TM9SF3: variants seen among roughly 807,000 people sequenced by gnomAD.
TM9SF3 encodes the protein SM-11044-binding protein.
Under a neutral mutation model 78.6 loss-of-function variants are expected in TM9SF3, and 14 were observed. The observed-to-expected ratio is 0.18, with a 90% CI of 0.12 to 0.28. The LOEUF (loss-of-function observed/expected upper bound fraction) is 0.28, where lower values mean the gene tolerates loss of function less well. Ranked by LOEUF, TM9SF3 falls within the 10% of genes least tolerant of loss-of-function variation. The pLI is 1.00. For synonymous variants in TM9SF3, 231 were observed against 241.7 expected (o/e 0.96, Z 0.41); for missense variants, 496 against 721.9 (o/e 0.69, Z 3.59).
At chr10:96,525,985 A>G (rs1452708758) in intron 14 of TM9SF3, among the ~76,000 whole-genome samples, 1 of 152,126 alleles carries the variant, frequency 6.6e-6, no homozygotes, top group Admixed American at 6.6e-5. Context: ...CCAGAGCAGA[A>G]GGAAGCCCAA....
At chr10:96,534,262 G>GT (rs1847929792) in intron 9 of TM9SF3, among the ~76,000 whole-genome samples, 1 of 152,138 alleles carries the variant, frequency 6.6e-6, no homozygotes, top group South Asian at 2.1e-4. Flanking sequence ...ATATAAATAT[G>GT]TGAGAATTAC....
At chr10:96,582,792 C>A (rs1249126130) in intron 1 of TM9SF3, among the ~76,000 whole-genome samples, 1 of 151,994 alleles carries the variant, frequency 6.6e-6, no homozygotes, top group African/African-American at 2.4e-5. Context: ...TACATATATA[C>A]CATAGGGTCA....
chr10:96,566,622 T>C (rs1325041214), intron 2 of TM9SF3, among the ~76,000 whole-genome samples: 2 of 152,190 alleles, frequency 1.3e-5, no homozygotes, highest in Non-Finnish European at 2.9e-5. Flanking sequence ...GACTCCCACA[T>C]AGATTTTCTT....
intron 10 of TM9SF3, 48 bp from the exon 11 acceptor site, chr10:96,530,656 T>C (rs750547992): frequency 6.7e-7 from 1 of 1,500,798 alleles, no homozygotes; most frequent in Middle Eastern, 1.8e-4. Context: ...GATTTCCATG[T>C]TATATAAACA....
At chr10:96,558,411 G>T (rs1848260425) in intron 5 of TM9SF3, among the ~76,000 whole-genome samples, 1 of 152,010 alleles carries the variant, frequency 6.6e-6, no homozygotes, top group African/African-American at 2.4e-5. Flanking sequence ...GGAGGCTAAG[G>T]GCAGGTGGAT....
intron 7 of TM9SF3, among the ~76,000 whole-genome samples, chr10:96,548,959 T>C (rs1848134157): frequency 6.6e-6 from 1 of 152,170 alleles, no homozygotes; most frequent in Non-Finnish European, 1.5e-5. Context: ...TTGAAAAATC[T>C]GCTGAGGGAG....
rs369018238 is a variant in TM9SF3 at position 96,530,510 on chromosome 10, T to G, written c.1394+30A>C. The G allele has an allele frequency of 1.5e-4, 232 of 1,573,266 alleles. 2 individuals are homozygous for G. The Middle Eastern group carries it at 6.9e-3, about 47-fold the overall frequency. On this transcript the variant is annotated intron_variant, in intron 11 of 14. Coordinates refer to ENST00000371142, the MANE Select transcript of TM9SF3 (RefSeq NM_020123.4). ...AATTGTCTTACTATAATCAAATCCC[T>G]CAAAACATAAATACATTATCAAAAC...
chr10:96,555,028 T>G (rs1223066437), intron 5 of TM9SF3, among the ~76,000 whole-genome samples: 1 of 147,574 alleles, frequency 6.8e-6, no homozygotes, highest in Admixed American at 6.8e-5. Context: ...TGGTTGGCCT[T>G]TTTTTTTTTT....
intron 9 of TM9SF3, among the ~76,000 whole-genome samples, chr10:96,537,601 G>A (rs1802077674): frequency 6.6e-6 from 1 of 152,234 alleles, no homozygotes; most frequent in Admixed American, 6.5e-5. Flanking sequence ...GGGAGGCCAA[G>A]GCAGGCGGAT....
chr10:96,557,399 C>T (rs745374485), intron 5 of TM9SF3, among the ~76,000 whole-genome samples: 7 of 152,116 alleles, frequency 4.6e-5, no homozygotes, highest in African/African-American at 7.2e-5. Context: ...CACGAAATGC[C>T]GCCAGCTTTA....
intron 5 of TM9SF3, among the ~76,000 whole-genome samples, chr10:96,557,668 G>A (rs1848252215): frequency 6.6e-6 from 1 of 152,120 alleles, no homozygotes; most frequent in Admixed American, 6.5e-5. Context: ...ACCACAGTAA[G>A]CATATCCTCA....
At chr10:96,525,435 A>C (rs1242216992) in intron 14 of TM9SF3, among the ~76,000 whole-genome samples, 1 of 152,046 alleles carries the variant, frequency 6.6e-6, no homozygotes, top group Non-Finnish European at 1.5e-5. Flanking sequence ...CTTTACGGAC[A>C]ATCTCATTTG....
chr10:96,531,729 C>T (rs1014268978), intron 10 of TM9SF3, among the ~76,000 whole-genome samples: 1 of 152,020 alleles, frequency 6.6e-6, no homozygotes, highest in Non-Finnish European at 1.5e-5. Flanking sequence ...CACACACAAG[C>T]CTTCCTATAC....
chr10:96,525,842 A>G (rs11188815), intron 14 of TM9SF3, among the ~76,000 whole-genome samples: 32,315 of 151,634 alleles, frequency 0.21, 3,876 homozygotes, highest in Admixed American at 0.31. Flanking sequence ...CACTGAGCCC[A>G]AAAAAAAGTG....
Position 96,559,738 on chromosome 10 carries a change from TAAA to T in TM9SF3, c.583-5_583-3del, listed in dbSNP as rs745424345. On this transcript the variant is annotated splice_polypyrimidine_tract_variant and splice_region_variant and intron_variant, in intron 4 of 14. Transcript: ENST00000371142. Reference sequence around the variant, plus strand: ...CACATCTGACTTTTTCCATTTTACCTAAAAAAAATTTTTTCATTTGAAAATAAA... The same window carrying T: ...CACATCTGACTTTTTCCATTTTACCTAAAAATTTTTTCATTTGAAAATAAA... 2 of 1,542,332 alleles carry T rather than the reference TAAA, an allele frequency of 1.3e-6. No individual in the cohort carries two copies. The highest frequency in any genetic ancestry group is 1.8e-6 in the Non-Finnish European group (2 of 1,136,224).
chr10:96,546,374 A>C (rs973833892), intron 8 of TM9SF3, among the ~76,000 whole-genome samples: 2 of 152,232 alleles, frequency 1.3e-5, no homozygotes, highest in African/African-American at 4.8e-5. Context: ...GTAGTAAAGG[A>C]AAGTTGGGCT....
chr10:96,522,527 G>A (rs977387143), intron 14 of TM9SF3, among the ~76,000 whole-genome samples, 197 bp from the exon 15 acceptor site: 1 of 151,768 alleles, frequency 6.6e-6, no homozygotes, highest in African/African-American at 2.4e-5. Context: ...CACTGAGTCT[G>A]ACCATCATAC....
At chr10:96,574,616 A>G (rs1173525311) in intron 2 of TM9SF3, among the ~76,000 whole-genome samples, 3 of 152,232 alleles carry the variant, frequency 2.0e-5, no homozygotes, top group Non-Finnish European at 4.4e-5. Flanking sequence ...ATAAAGATAC[A>G]TACACATGTA....
chr10:96,586,803 C>T lies in TM9SF3; in HGVS notation c.33G>A (p.Ala11=). ...GCAGCAGCCACAGCGCGGCGGCCGCCGCCACGCCAAGAGCGCCAGGCAGCG... is the reference window on the plus strand; with the variant it reads ...GCAGCAGCCACAGCGCGGCGGCCGCTGCCACGCCAAGAGCGCCAGGCAGCG... MRPLPGALGV[A]AAAALWLLLL... Residue 11 remains alanine, a synonymous_variant, in exon 1 of 15, where the codon GCG becomes GCA. Transcript: ENST00000371142. 3 of 1,276,782 alleles carry T rather than the reference C, an allele frequency of 2.3e-6. No homozygotes were observed. Among genetic ancestry groups the T allele is most frequent in the South Asian group, 5.2e-5 (2 of 38,604 alleles). The allele number at this position is 1,276,782 out of a possible 1,614,324, so 79.1% of individuals were successfully genotyped here. A position where few individuals can be genotyped will look rare whatever the true frequency, so the allele number is the denominator to read the frequency against.
Sources: allele counts gnomAD v4.1 joint callset (sites outside exome capture counted in the v4.1 genomes callset), GRCh38; gene constraint gnomAD v4.1.1; transcripts MANE v1.5; gene names NCBI Gene and HGNC (gene_info 2026-07-23, HGNC 2026-07-21).